Variants in TMPRSS6 observed in about 807,000 individuals in gnomAD.
TMPRSS6 encodes the protein transmembrane protease serine 6.
A neutral mutation model predicts 101.5 loss-of-function variants in TMPRSS6; 67 were observed. That is an observed-to-expected ratio of 0.66 (90% CI 0.54 to 0.81). TMPRSS6 has a LOEUF of 0.81. Among genes scored for constraint, TMPRSS6 ranks in the 30% least tolerant of loss-of-function variants. The probability of loss-of-function intolerance (pLI) is 0.00; values close to 1 mark genes in which losing one functional copy is unlikely to be tolerated. For synonymous variants in TMPRSS6, 453 were observed against 464.9 expected, an observed-to-expected ratio of 0.97 and a Z score of 0.33; for missense variants, 1,034 against 1,088.7, an observed-to-expected ratio of 0.95 and a Z score of 0.71.
At chr22:37,086,136 GA>G in intron 8 of TMPRSS6, 146 bp downstream of exon 8, 1 of 1,048,912 alleles carries the variant, frequency 9.5e-7, no homozygotes, top group Admixed American at 2.0e-5. Context: ...CCGGGGTGGG[GA>G]GTGGAGAGCA....
At chr22:37,091,085 A>ATCATTCAT (rs561861674) in intron 6 of TMPRSS6, among the ~76,000 whole-genome samples, 4 of 151,790 alleles carry the variant, frequency 2.6e-5, no homozygotes, top group Non-Finnish European at 4.4e-5. Context: ...TACCACCTGC[A>ATCATTCAT]TCATTCATTC....
intron 2 of TMPRSS6, among the ~76,000 whole-genome samples, chr22:37,100,092 C>A (rs757840268): frequency 1.3e-5 from 2 of 152,204 alleles, no homozygotes; most frequent in African/African-American, 4.8e-5. Flanking sequence ...CTCAGCCTCG[C>A]AAGTAGCTGG....
rs1188413246 is a variant in TMPRSS6, at chr22:37,103,601, G to A, written c.-1-183C>T. 27 of 1,610,726 alleles carry A rather than the reference G, an allele frequency of 1.7e-5. No individual in the cohort carries two copies. Among genetic ancestry groups the A allele is most frequent in the Non-Finnish European group, 8.5e-7 (1 of 1,179,246 alleles). On this transcript the variant is annotated intron_variant, in intron 1 of 17. Transcript: ENST00000676104. This position sits in a 1 kb window ranked among gnomAD's most constrained non-coding sequence, Gnocchi z 4.4. ...TCACAGAGGAGGGAAGTGCATCTCA[G>A]GTCAGCTCGCACCAGAGGGCAGGCA...
intron 3 of TMPRSS6, among the ~76,000 whole-genome samples, chr22:37,097,752 G>A (rs1469538127): frequency 7.6e-5 from 9 of 118,232 alleles, no homozygotes; most frequent in Admixed American, 7.0e-4. Flanking sequence ...AGGGGCAGGA[G>A]CGGCCACTGT....
Position 37,085,178 on chromosome 22 carries a change from G to T in TMPRSS6, c.974-339C>A, listed in dbSNP as rs2543518. On this transcript the variant is annotated intron_variant, in intron 8 of 17. Coordinates refer to ENST00000676104, the MANE Select transcript of TMPRSS6 (RefSeq NM_001374504.1). ...CTGCACAGGCCTCACGGTGGTGGCT[G>T]GGGGAGAGAGAGCTGTTCCCCTTTT... Among the ~76,000 whole-genome samples the T allele has an allele frequency of 9.3e-4, 142 of 152,316 alleles. 1 individual carries two copies. The highest frequency in any genetic ancestry group is 3.2e-3 in the African/African-American group (131 of 41,562).
intron 7 of TMPRSS6, among the ~76,000 whole-genome samples, chr22:37,087,708 T>C (rs1259648796): frequency 6.6e-6 from 1 of 152,044 alleles, no homozygotes; most frequent in Non-Finnish European, 1.5e-5. Flanking sequence ...CCACGTCCTT[T>C]TTGGCCTTAC....
intron 6 of TMPRSS6, among the ~76,000 whole-genome samples, chr22:37,090,460 G>T (rs1012344464): frequency 6.6e-6 from 1 of 152,194 alleles, no homozygotes; most frequent in Non-Finnish European, 1.5e-5. Flanking sequence ...GCCCTAAGGA[G>T]GAGTCTGGGA....
chr22:37,073,559 C>G lies in TMPRSS6; in HGVS notation c.1528G>C (p.Gly510Arg). The G allele has an allele frequency of 6.2e-7, 1 of 1,613,962 alleles. No homozygotes were observed. The highest frequency in any genetic ancestry group is 2.2e-5 in the East Asian group (1 of 44,884). Reference protein sequence around the residue: ...VCDGQPDCLNGSDEEQCQEGV... With the variant: ...VCDGQPDCLNRSDEEQCQEGV... Reference sequence around the variant, plus strand: ...TCCTGGCACTGCTCTTCGTCGCTGCCGTTGAGACAATCAGGCTGCCCATCA... The same window carrying G: ...TCCTGGCACTGCTCTTCGTCGCTGCGGTTGAGACAATCAGGCTGCCCATCA... Residue 510 changes from glycine (G) to arginine (R), a missense_variant, in exon 13 of 18, where the codon GGC becomes CGC. Gly to Arg is a moderately radical substitution (Grantham distance 125). Transcript: ENST00000676104.
At chr22:37,067,685 C>T (rs1011587201) in intron 16 of TMPRSS6, among the ~76,000 whole-genome samples, 1 of 152,150 alleles carries the variant, frequency 6.6e-6, no homozygotes, top group Admixed American at 6.6e-5. Context: ...TCTGCCCTAG[C>T]GCTTCTCCAC....
rs1390337471 is a variant in TMPRSS6 at position 37,071,040 on chromosome 22, A to C, written c.1556-8T>G. On this transcript the variant is annotated splice_region_variant and splice_polypyrimidine_tract_variant and intron_variant, in intron 13 of 17. Transcript: ENST00000676104. ...ATGTCCCACATGGCACCCCTGGGACAGAGGGGATGGGGGCAGGGCACAGAA... is the reference window on the plus strand; with the variant it reads ...ATGTCCCACATGGCACCCCTGGGACCGAGGGGATGGGGGCAGGGCACAGAA... The C allele has an allele frequency of 6.2e-7, 1 of 1,610,686 alleles. No individual in the cohort carries two copies. Among genetic ancestry groups the C allele is most frequent in the Admixed American group, 1.7e-5 (1 of 59,930 alleles).
chr22:37,084,047 T>A, intron 10 of TMPRSS6: 1 of 594,488 alleles, frequency 1.7e-6, no homozygotes, highest in East Asian at 2.8e-5. Flanking sequence ...ACATCCAAGG[T>A]GTCTGATGAC....
At chr22:37,108,702 T>C (rs1930868054) in intron 1 of TMPRSS6, among the ~76,000 whole-genome samples, 1 of 152,172 alleles carries the variant, frequency 6.6e-6, no homozygotes, top group Admixed American at 6.5e-5. Flanking sequence ...TCCAACAGCC[T>C]GGGGTGCCTA....
rs1926608629 is a variant in TMPRSS6, at chr22:37,069,077, CT to C, written c.2108del (p.Glu703GlyfsTer16). ...CCGCAAGTCCCCGCTGCTCACCGCC[CT>C]CGCGCAAGGCGCCCCAGCCCGTAAT... The part of the protein sequence containing the change: ...CWITGWGALR[E>X]GGPISNALQK... On this transcript the variant is annotated frameshift_variant, in exon 16 of 18. Transcript: ENST00000676104. LOFTEE classifies it high-confidence loss of function. This position sits in a 1 kb window ranked among gnomAD's most constrained non-coding sequence, Gnocchi z 4.8. The C allele has an allele frequency of 3.2e-6, 5 of 1,542,100 alleles. No individual in the cohort carries two copies. The East Asian group carries it at 1.2e-4, about 38-fold the overall frequency.
At chr22:37,072,355 GGAT>G (rs1379406720) in intron 13 of TMPRSS6, among the ~76,000 whole-genome samples, 2 of 148,902 alleles carry the variant, frequency 1.3e-5, no homozygotes, top group African/African-American at 2.5e-5. Context: ...ATGGATGGAT[GGAT>G]GATGGATGGG....
At chr22:37,105,463 T>A (rs1170079855) in intron 1 of TMPRSS6, among the ~76,000 whole-genome samples, 9 of 152,212 alleles carry the variant, frequency 5.9e-5, no homozygotes, top group Admixed American at 5.2e-4. Flanking sequence ...GTGCTGAGAC[T>A]CTTGCATGAG....
chr22:37,070,538 G>A lies in TMPRSS6; in HGVS notation c.1787C>T (p.Ala596Val), dbSNP rs1247333332. The change falls in exon 15 of 18, where the codon GCC becomes GTC. Residue 596 changes from alanine (A) to valine (V), a missense_variant. Transcript: ENST00000676104. The stretch of plus-strand genomic sequence containing the variant: ...TATCACCCAGCGGTCAGCGATGAGG[G>A]CCCCCCCACAGATGTGTCGACCCCG... ...QVRGRHICGG[A>V]LIADRWVITA... The A allele has an allele frequency of 3.1e-6, 5 of 1,613,132 alleles. No individual in the cohort carries two copies. The highest frequency in any genetic ancestry group is 1.3e-5 in the African/African-American group (1 of 74,876).
chr22:37,098,044 C>T (rs1929971625), intron 3 of TMPRSS6, among the ~76,000 whole-genome samples: 1 of 146,904 alleles, frequency 6.8e-6, no homozygotes. Flanking sequence ...GGAGCGGCCA[C>T]CGTCCTGTAA....
Position 37,084,372 on chromosome 22 carries a change from C to G in TMPRSS6, c.1119G>C (p.Trp373Cys), listed in dbSNP as rs866724957. The G allele has an allele frequency of 6.2e-7, 1 of 1,613,008 alleles. No homozygotes were observed. Among genetic ancestry groups the G allele is most frequent in the Non-Finnish European group, 8.5e-7 (1 of 1,179,500 alleles). Residue 373 changes from tryptophan (W) to cysteine (C), a missense_variant, in exon 10 of 18, where the codon TGG (tryptophan) becomes TGC (cysteine). Trp to Cys is a radical substitution (Grantham distance 215, BLOSUM62 -2). Transcript: ENST00000676104. ...VPSLDYGLAL[W>C]FDAYALRRQK... is the part of the protein sequence containing the mutation. Reference sequence around the variant, plus strand: ...GCCTCCTCAGTGCATAGGCATCAAACCAGAGGGCCAAGCCGTAGTCCAGAG... The same window carrying G: ...GCCTCCTCAGTGCATAGGCATCAAAGCAGAGGGCCAAGCCGTAGTCCAGAG...
intron 2 of TMPRSS6, among the ~76,000 whole-genome samples, chr22:37,102,150 A>G (rs1205104853): frequency 2.6e-5 from 4 of 152,256 alleles, no homozygotes; most frequent in Non-Finnish European, 5.9e-5. Flanking sequence ...CAGGAGATTC[A>G]GCCAGTAAGA....
Sources: gnomAD v4.1 joint callset for allele counts (sites outside exome capture counted in the v4.1 genomes callset) on GRCh38, gnomAD v4.1.1 for gene constraint, Gnocchi (gnomAD v3.1) non-coding constraint, MANE v1.5 for transcripts, NCBI Gene and HGNC (gene_info 2026-07-23, HGNC 2026-07-21) for gene names.